The following TSHZ1 variants were observed in gnomAD, a reference collection of about 807,000 sequenced individuals.
TSHZ1 encodes the protein teashirt homolog 1.
TSHZ1 carries 12 observed loss-of-function variants against 67.1 expected under a neutral mutation model. The observed-to-expected ratio is 0.18, with a 90% confidence interval of 0.11 to 0.29. The LOEUF (loss-of-function observed/expected upper bound fraction) is 0.29, where lower values mean the gene tolerates loss of function less well. TSHZ1 is among the 10% of genes least tolerant of loss of function. TSHZ1 has a pLI of 1.00. For synonymous variants in TSHZ1, 632 were observed against 622.4 expected (o/e 1.02, Z -0.23); for missense variants, 1,305 against 1,413.9 (o/e 0.92, Z 1.23).
chr18:75,239,531 G>C (rs545675398), intron 1 of TSHZ1, among the ~76,000 whole-genome samples: 69 of 152,202 alleles, frequency 4.5e-4, no homozygotes, highest in African/African-American at 1.3e-3. Flanking sequence ...GACTGGATCT[G>C]GCTCTGTCGT....
chr18:75,237,733 A>G (rs7238115), intron 1 of TSHZ1, among the ~76,000 whole-genome samples: 55,588 of 151,890 alleles, frequency 0.37, 10,520 homozygotes, highest in South Asian at 0.47. Flanking sequence ...AACAGTCCTC[A>G]TTCTGAATAA....
intron 1 of TSHZ1, among the ~76,000 whole-genome samples, chr18:75,261,454 C>A (rs1317432855): frequency 2.0e-5 from 3 of 152,194 alleles, no homozygotes; most frequent in Non-Finnish European, 4.4e-5. Flanking sequence ...CCATGCACTA[C>A]GACCATCAGC....
intron 1 of TSHZ1, among the ~76,000 whole-genome samples, chr18:75,279,221 G>C (rs1307729987): frequency 6.6e-6 from 1 of 152,166 alleles, no homozygotes; most frequent in Non-Finnish European, 1.5e-5. Context: ...CAGCTGTCTT[G>C]AAGGTTTATG....
At chr18:75,270,525 A>G (rs1453070053) in intron 1 of TSHZ1, among the ~76,000 whole-genome samples, 1 of 152,222 alleles carries the variant, frequency 6.6e-6, no homozygotes, top group Non-Finnish European at 1.5e-5. Context: ...TGTGCTGGGA[A>G]AATACCCTTC....
chr18:75,288,561 G>C lies in TSHZ1; in HGVS notation c.3154G>C (p.Val1052Leu). 1 of 1,614,212 alleles carries C rather than the reference G, an allele frequency of 6.2e-7. No homozygotes were observed. Among genetic ancestry groups the C allele is most frequent in the Non-Finnish European group, 8.5e-7 (1 of 1,180,040 alleles). The change falls in exon 2 of 2, where the codon GTC becomes CTC. Residue 1052 changes from valine to leucine, a missense_variant. Physicochemically the swap from Val to Leu is conservative, Grantham distance 32. Transcript: ENST00000580243. The surrounding 1 kb of genome is among the most constrained non-coding windows in gnomAD (Gnocchi z 4.9). ...CCGGACTTTTGCGAGCAAGCACGCA[G>C]TCAAACTGCACCTTAGTAAGACCCA... ...CNRTFASKHAVKLHLSKTHGK... is the reference protein window; with the variant it reads ...CNRTFASKHALKLHLSKTHGK...
chr18:75,231,451 A>G (rs1599030219), intron 1 of TSHZ1, among the ~76,000 whole-genome samples: 1 of 152,294 alleles, frequency 6.6e-6, no homozygotes, highest in Middle Eastern at 3.4e-3. Flanking sequence ...TCTCATTAGC[A>G]TTGTTGACCC....
chr18:75,246,039 C>T (rs1053737878), intron 1 of TSHZ1, among the ~76,000 whole-genome samples: 30 of 152,336 alleles, frequency 2.0e-4, no homozygotes, highest in Non-Finnish European at 1.6e-4. Context: ...CACCTCACCG[C>T]CCTTCCAGGC....
At position 75,286,889 on chromosome 18, in the gene TSHZ1, G is replaced by A. The variant is rs777162657; in HGVS notation, c.1482G>A (p.Thr494=). The change falls in exon 2 of 2, where the codon ACG becomes ACA. Residue 494 remains threonine (T), a synonymous_variant. Transcript: ENST00000580243. The surrounding 1 kb of genome is among the most constrained non-coding windows in gnomAD (Gnocchi z 5.1). ...KKQPDSPAGS[T]TSEEKKEPEK... is the part of the protein sequence containing the mutation. The stretch of plus-strand genomic sequence containing the variant: ...AGCCCGACTCTCCCGCGGGGTCCAC[G>A]ACTTCTGAAGAAAAGAAAGAGCCAG... 23 of 1,614,064 alleles carry A rather than the reference G, an allele frequency of 1.4e-5. No homozygotes were observed. The highest frequency in any genetic ancestry group is 3.3e-5 in the South Asian group (3 of 91,072).
intron 1 of TSHZ1, among the ~76,000 whole-genome samples, chr18:75,282,665 A>G (rs1261780349): frequency 6.6e-6 from 1 of 152,208 alleles, no homozygotes; most frequent in East Asian, 1.9e-4. Flanking sequence ...TCCTCAAGCC[A>G]GGGAGAGCCC....
intron 1 of TSHZ1, among the ~76,000 whole-genome samples, chr18:75,269,326 T>A (rs2023529305): frequency 6.6e-6 from 1 of 152,206 alleles, no homozygotes; most frequent in Non-Finnish European, 1.5e-5. Context: ...GGCACCATGT[T>A]AGCTGCCAGG....
chr18:75,216,287 G>A (rs887501796), intron 1 of TSHZ1, among the ~76,000 whole-genome samples: 2 of 152,146 alleles, frequency 1.3e-5, no homozygotes, highest in Admixed American at 1.3e-4. Flanking sequence ...TTATGTTAAT[G>A]TATTTAAAAA....
chr18:75,229,060 C>G (rs542671029), intron 1 of TSHZ1, among the ~76,000 whole-genome samples: 1 of 152,238 alleles, frequency 6.6e-6, no homozygotes, highest in African/African-American at 2.4e-5. Context: ...GAGGAGCTCT[C>G]AAAGTGAGTG....
intron 1 of TSHZ1, among the ~76,000 whole-genome samples, chr18:75,222,225 CTT>C (rs11365940): frequency 7.9e-5 from 11 of 139,062 alleles, no homozygotes; most frequent in Middle Eastern, 3.8e-3. Flanking sequence ...AGTTGCCTGA[CTT>C]TTTTTTTTTT....
At chr18:75,237,786 TC>T (rs1188842676) in intron 1 of TSHZ1, among the ~76,000 whole-genome samples, 2 of 142,776 alleles carry the variant, frequency 1.4e-5, no homozygotes, top group African/African-American at 2.6e-5. Context: ...AAGCCTTCTT[TC>T]TTTCATTTAT....
In TSHZ1 at chr18:75,217,057, G is replaced by A. The variant is rs112447674; in HGVS notation, c.40+5141G>A. Among the ~76,000 whole-genome samples the A allele has an allele frequency of 3.2e-3, 486 of 152,354 alleles. 5 individuals are homozygous for A. Among genetic ancestry groups the A allele is most frequent in the African/African-American group, 0.011 (458 of 41,576 alleles). On this transcript the variant is annotated intron_variant, in intron 1 of 1. Coordinates refer to ENST00000580243, the MANE Select transcript of TSHZ1 (RefSeq NM_001308210.2). ...GCGCCTGCTTTCTAGGCATGCTTTA[G>A]CTGTGGTGGTGGAGAGGCCTGGGCA...
At chr18:75,237,980 T>A (rs56194229) in intron 1 of TSHZ1, among the ~76,000 whole-genome samples, 26,590 of 151,894 alleles carry the variant, frequency 0.18, 3,020 homozygotes, top group East Asian at 0.41. Flanking sequence ...GCCCGGCTAA[T>A]TTTGTATTTT....
chr18:75,231,864 G>C (rs1287943032), intron 1 of TSHZ1, among the ~76,000 whole-genome samples: 1 of 151,416 alleles, frequency 6.6e-6, no homozygotes, highest in Non-Finnish European at 1.5e-5. Context: ...ATCTTCACAG[G>C]GCTTCAAAAA....
At chr18:75,251,072 A>G (rs766175463) in intron 1 of TSHZ1, among the ~76,000 whole-genome samples, 1 of 152,212 alleles carries the variant, frequency 6.6e-6, no homozygotes, top group Non-Finnish European at 1.5e-5. Flanking sequence ...TGCTTTTGTC[A>G]GTGTGTTCTT....
chr18:75,272,220 G>C (rs2023566867), intron 1 of TSHZ1, among the ~76,000 whole-genome samples: 1 of 152,266 alleles, frequency 6.6e-6, no homozygotes, highest in Non-Finnish European at 1.5e-5. Context: ...AAGAGGAAGA[G>C]CACGCAGGTC....
Sources: allele counts gnomAD v4.1 joint callset (sites outside exome capture counted in the v4.1 genomes callset), GRCh38; gene constraint gnomAD v4.1.1; non-coding constraint Gnocchi (gnomAD v3.1); transcripts MANE v1.5; gene names NCBI Gene and HGNC (gene_info 2026-07-23, HGNC 2026-07-21).